Variants in PTPRR observed in about 807,000 individuals in gnomAD.
PTPRR encodes the protein receptor-type tyrosine-protein phosphatase R.
In PTPRR, 38 loss-of-function variants were observed where a neutral mutation model predicts 77.2. The ratio of observed to expected loss-of-function variants is 0.49; its 90% CI spans 0.38 to 0.65. PTPRR has a LOEUF of 0.65. PTPRR is among the 30% of genes least tolerant of loss of function. PTPRR has a pLI of 0.00. For missense variants in PTPRR, 744 were observed against 799.2 expected, an observed-to-expected ratio of 0.93 and a Z score of 0.83; for synonymous variants, 299 against 283.1, an observed-to-expected ratio of 1.06 and a Z score of -0.57.
chr12:70,839,060 C>T (rs571160351), intron 2 of PTPRR, among the ~76,000 whole-genome samples: 46 of 152,226 alleles, frequency 3.0e-4, no homozygotes, highest in Non-Finnish European at 4.4e-4. Flanking sequence ...CAAACAGAAG[C>T]TGTTTGCTGT....
Position 70,825,286 on chromosome 12 carries a change from TAAAAATA to T in PTPRR, c.358-60515_358-60509del, listed in dbSNP as rs564172243. On this transcript the variant is annotated intron_variant, in intron 2 of 13. Transcript: ENST00000283228. ...GAGCAAGATTCTAGTCTCAAAAAAA[TAAAAATA>T]AAAAATAAAAAAATAAATAAATGTT... Among the ~76,000 whole-genome samples, 771 of 151,646 alleles carry T rather than the reference TAAAAATA, an allele frequency of 5.1e-3. 2 individuals are homozygous for T. Among genetic ancestry groups the T allele is most frequent in the Non-Finnish European group, 7.8e-3 (528 of 67,858 alleles).
At chr12:70,785,343 C>T (rs1891299628) in intron 2 of PTPRR, among the ~76,000 whole-genome samples, 1 of 152,074 alleles carries the variant, frequency 6.6e-6, no homozygotes, top group Non-Finnish European at 1.5e-5. Flanking sequence ...TTAGTCTCTG[C>T]CCTCTATTTT....
chr12:70,694,319 A>T (rs1888155712), intron 8 of PTPRR, among the ~76,000 whole-genome samples: 2 of 152,214 alleles, frequency 1.3e-5, no homozygotes, highest in Admixed American at 6.5e-5. Flanking sequence ...TATTTGTATC[A>T]ACACACTGCA....
intron 2 of PTPRR, among the ~76,000 whole-genome samples, chr12:70,850,709 G>A (rs1341501853): frequency 1.3e-5 from 2 of 152,114 alleles, no homozygotes; most frequent in African/African-American, 2.4e-5. Context: ...GCCTCTCGAC[G>A]CTTTTGGGGA....
At position 70,919,673 on chromosome 12, in the gene PTPRR, G is replaced by GTTTTTT. The variant is rs58439089; in HGVS notation, c.58+654_58+659dup. 1.6e-3 allele frequency among the ~76,000 whole-genome samples: 179 copies of GTTTTTT among 110,058 alleles called. 12 individuals are homozygous for GTTTTTT. Among genetic ancestry groups the GTTTTTT allele is most frequent in the Non-Finnish European group, 2.4e-3 (124 of 52,344 alleles). The allele number at this position is 110,058 out of a possible 152,430, so 72.2% of individuals were successfully genotyped here. The stretch of plus-strand genomic sequence containing the variant: ...GGTTGTCAGCTTTGGAACTGTAATT[G>GTTTTTT]TTTTTTTTTTTTTTTTTTTTTTTTT... On this transcript the variant is annotated intron_variant, in intron 1 of 13. Transcript: ENST00000283228.
intron 2 of PTPRR, among the ~76,000 whole-genome samples, chr12:70,868,958 C>G (rs1407386395): frequency 6.9e-6 from 1 of 145,110 alleles, no homozygotes; most frequent in East Asian, 2.0e-4. Flanking sequence ...ACCGCATGTT[C>G]TCACTCATAG....
At chr12:70,640,449 C>T (rs1885957724) in intron 13 of PTPRR, among the ~76,000 whole-genome samples, 2 of 152,130 alleles carry the variant, frequency 1.3e-5, no homozygotes, top group African/African-American at 2.4e-5. Context: ...GAATCACAGG[C>T]TTGAACGACG....
intron 10 of PTPRR, 61 bp from the exon 11 acceptor site, chr12:70,662,666 T>A: frequency 1.1e-6 from 1 of 939,638 alleles, no homozygotes; most frequent in Non-Finnish European, 1.7e-6. Flanking sequence ...ATGGAGTACT[T>A]TTCATTCAAG....
At chr12:70,863,280 T>C (rs527687346) in intron 2 of PTPRR, among the ~76,000 whole-genome samples, 2 of 152,256 alleles carry the variant, frequency 1.3e-5, no homozygotes, top group South Asian at 4.1e-4. Flanking sequence ...ATTAATTATC[T>C]CCCTAATGCA....
intron 13 of PTPRR, among the ~76,000 whole-genome samples, chr12:70,640,593 G>T (rs1288663747): frequency 6.6e-6 from 1 of 152,158 alleles, no homozygotes; most frequent in East Asian, 1.9e-4. Context: ...CTGTAACTCT[G>T]CAATCATGCA....
At chr12:70,670,144 A>C (rs575626497) in intron 10 of PTPRR, among the ~76,000 whole-genome samples, 1 of 152,350 alleles carries the variant, frequency 6.6e-6, no homozygotes, top group East Asian at 1.9e-4. Context: ...AGTTTAACTC[A>C]GATGAAAGAT....
chr12:70,780,257 TG>T (rs1296598380), intron 2 of PTPRR, among the ~76,000 whole-genome samples: 1 of 152,196 alleles, frequency 6.6e-6, no homozygotes, highest in Non-Finnish European at 1.5e-5. Flanking sequence ...CCCAAAGCGC[TG>T]GGATTACAGG....
chr12:70,687,586 AG>A (rs1291703643), intron 8 of PTPRR, among the ~76,000 whole-genome samples: 2 of 152,158 alleles, frequency 1.3e-5, no homozygotes, highest in African/African-American at 4.8e-5. Context: ...GTGGCATCCA[AG>A]AATCCTGTTG....
intron 1 of PTPRR, among the ~76,000 whole-genome samples, chr12:70,894,419 A>C (rs1893390321): frequency 6.6e-6 from 1 of 151,664 alleles, no homozygotes; most frequent in African/African-American, 2.4e-5. Context: ...AATCACCTCT[A>C]CATCAGTGGT....
intron 1 of PTPRR, 93 bp from the exon 2 acceptor site, chr12:70,893,070 G>A (rs1893367049): frequency 1.5e-6 from 2 of 1,349,240 alleles, no homozygotes; most frequent in Non-Finnish European, 1.0e-6. Flanking sequence ...TTTCTTGAGA[G>A]GCTTTAAGAC....
At chr12:70,911,027 C>T (rs1357753363) in intron 1 of PTPRR, among the ~76,000 whole-genome samples, 1 of 152,126 alleles carries the variant, frequency 6.6e-6, no homozygotes, top group Non-Finnish European at 1.5e-5. Context: ...CGAGAAGAGT[C>T]CTGGAAAAGC....
chr12:70,671,176 TGTGAA>T (rs1419978691), intron 10 of PTPRR, among the ~76,000 whole-genome samples: 1 of 152,214 alleles, frequency 6.6e-6, no homozygotes, highest in Admixed American at 6.5e-5. Flanking sequence ...TTCCTGGTAG[TGTGAA>T]GTCTACTGTG....
chr12:70,861,748 G>A lies in PTPRR; in HGVS notation c.357+30931C>T, dbSNP rs145874665. On this transcript the variant is annotated intron_variant, in intron 2 of 13. Transcript: ENST00000283228. ...AAATTACAGTCATCTGTCTAAGGGA[G>A]TTATGATATTGTTAAAGGGCCATCA... Among the ~76,000 whole-genome samples, 769 of 152,218 alleles carry A rather than the reference G, an allele frequency of 5.1e-3. 5 individuals are homozygous for A. The highest frequency in any genetic ancestry group is 6.8e-3 in the Non-Finnish European group (460 of 68,010).
At chr12:70,653,638 A>G (rs780615141) in intron 13 of PTPRR, among the ~76,000 whole-genome samples, 3 of 152,224 alleles carry the variant, frequency 2.0e-5, no homozygotes, top group Non-Finnish European at 2.9e-5. Context: ...ACAACTGTGG[A>G]AACTTGATTG....
Sources: gnomAD v4.1 joint callset for allele counts (sites outside exome capture counted in the v4.1 genomes callset) on GRCh38, gnomAD v4.1.1 for gene constraint, MANE v1.5 for transcripts, NCBI Gene and HGNC (gene_info 2026-07-23, HGNC 2026-07-21) for gene names.